The following PEPD variants were observed in gnomAD, a reference collection of about 807,000 sequenced individuals.
The protein encoded by PEPD is xaa-Pro dipeptidase.
In PEPD, 53 loss-of-function variants were observed where a neutral mutation model predicts 60.7. That is an observed-to-expected ratio of 0.87 (90% CI 0.70 to 1.10). PEPD has a LOEUF of 1.10. PEPD is among the 50% of genes least tolerant of loss of function. The probability of loss-of-function intolerance (pLI) is 0.00; values close to 1 mark genes in which losing one functional copy is unlikely to be tolerated. For synonymous variants in PEPD, 267 were observed against 284.1 expected (o/e 0.94, Z 0.60); for missense variants, 711 against 711.9 (o/e 1.00, Z 0.01).
chr19:33,410,165 G>C (rs1416330990), intron 11 of PEPD, among the ~76,000 whole-genome samples: 1 of 152,232 alleles, frequency 6.6e-6, no homozygotes, highest in East Asian at 1.9e-4. Flanking sequence ...GGTTCCACTG[G>C]CCTGCCTCCG....
intron 9 of PEPD, among the ~76,000 whole-genome samples, chr19:33,444,365 T>TAA (rs1969549701): frequency 6.6e-6 from 1 of 152,054 alleles, no homozygotes; most frequent in Admixed American, 6.5e-5. Context: ...CTCAGAGGTT[T>TAA]AAGCAGGAAA....
At chr19:33,442,934 C>T (rs1414682032) in intron 9 of PEPD, among the ~76,000 whole-genome samples, 1 of 152,158 alleles carries the variant, frequency 6.6e-6, no homozygotes, top group East Asian at 1.9e-4. Context: ...TCCACGGGGG[C>T]TGGGCCTTTC....
At chr19:33,497,870 A>G (rs1394966193) in intron 4 of PEPD, among the ~76,000 whole-genome samples, 1 of 152,112 alleles carries the variant, frequency 6.6e-6, no homozygotes, top group African/African-American at 2.4e-5. Context: ...TCGCCTCCAC[A>G]GGAGTGTCCT....
chr19:33,502,937 C>T (rs552865831), intron 3 of PEPD, among the ~76,000 whole-genome samples: 7 of 66,968 alleles, frequency 1.0e-4, no homozygotes, highest in South Asian at 4.6e-4. Flanking sequence ...AGACCCTCTA[C>T]GGATAACTGG....
At chr19:33,437,234 TTTTCC>T (rs1969394879) in intron 9 of PEPD, among the ~76,000 whole-genome samples, 1 of 152,048 alleles carries the variant, frequency 6.6e-6, no homozygotes, top group Non-Finnish European at 1.5e-5. Context: ...ACAGTCAACT[TTTTCC>T]TTTCAAGAGT....
At chr19:33,453,216 A>C (rs1969728891) in intron 9 of PEPD, among the ~76,000 whole-genome samples, 1 of 152,052 alleles carries the variant, frequency 6.6e-6, no homozygotes, top group South Asian at 2.1e-4. Flanking sequence ...CCAGAGGCTG[A>C]GGGGGGAAGG....
intron 2 of PEPD, among the ~76,000 whole-genome samples, chr19:33,511,780 A>C (rs1253168325): frequency 1.3e-5 from 2 of 152,236 alleles, no homozygotes; most frequent in African/African-American, 4.8e-5. Context: ...CATCAAGACT[A>C]GCCAGAGAAA....
intron 12 of PEPD, among the ~76,000 whole-genome samples, chr19:33,399,676 T>C (rs1265259702): frequency 6.6e-6 from 1 of 152,158 alleles, no homozygotes; most frequent in African/African-American, 2.4e-5. Context: ...CTGCAACTCA[T>C]CCCAGCAACG....
chr19:33,488,527 T>G (rs556321287), intron 6 of PEPD, among the ~76,000 whole-genome samples: 1 of 152,112 alleles, frequency 6.6e-6, no homozygotes, highest in African/African-American at 2.4e-5. Context: ...CCGTAGCCCC[T>G]CTGAGGGCCT....
rs765974570 is a variant in PEPD at position 33,391,402 on chromosome 19, C to G, written c.1045G>C (p.Gly349Arg). Reference protein sequence around the residue: ...EELAHMGILSGSVDAMVQAHL... With the variant: ...EELAHMGILSRSVDAMVQAHL... ...GCCTGGACCATGGCGTCCACGCTGC[C>G]GCTCAGGATGCCCATGTGGGCCAGC... The change falls in exon 13 of 15, where the codon GGC (glycine) becomes CGC (arginine). Residue 349 changes from glycine (G) to arginine (R), a missense_variant. Transcript: ENST00000244137. 1 of 1,585,898 alleles carries G rather than the reference C, an allele frequency of 6.3e-7. No homozygotes were observed. Among genetic ancestry groups the G allele is most frequent in the African/African-American group, 1.3e-5 (1 of 74,494 alleles).
chr19:33,494,227 C>T (rs1970554031), intron 4 of PEPD, among the ~76,000 whole-genome samples: 2 of 152,326 alleles, frequency 1.3e-5, no homozygotes, highest in South Asian at 4.1e-4. Flanking sequence ...AGAACAGTCT[C>T]ATCTCCACAG....
intron 9 of PEPD, among the ~76,000 whole-genome samples, chr19:33,434,388 C>T (rs974763277): frequency 2.0e-5 from 3 of 152,084 alleles, no homozygotes; most frequent in Non-Finnish European, 2.9e-5. Flanking sequence ...AGCTGTGTAA[C>T]GGCGATGGTT....
At chr19:33,448,742 A>G (rs904387469) in intron 9 of PEPD, among the ~76,000 whole-genome samples, 4 of 152,156 alleles carry the variant, frequency 2.6e-5, no homozygotes, top group African/African-American at 9.7e-5. Context: ...AACGAAAGCT[A>G]TGTAGCAAGC....
intron 11 of PEPD, 46 bp from the exon 12 acceptor site, chr19:33,401,915 G>GC (rs1568452334): frequency 1.3e-6 from 2 of 1,591,600 alleles, no homozygotes; most frequent in Non-Finnish European, 1.7e-6. Context: ...GGGTGCCACC[G>GC]CCCCCTTACC....
At chr19:33,445,423 G>A (rs1205213470) in intron 9 of PEPD, among the ~76,000 whole-genome samples, 1 of 152,230 alleles carries the variant, frequency 6.6e-6, no homozygotes, top group Non-Finnish European at 1.5e-5. Flanking sequence ...AGGTGATTAG[G>A]CTAAACTGAG....
chr19:33,387,335 T>C lies in PEPD; in HGVS notation c.*9A>G. On this transcript the variant is annotated 3_prime_UTR_variant, in exon 15 of 15. Coordinates refer to ENST00000244137, the MANE Select transcript of PEPD (RefSeq NM_000285.4). ...AGGCCCCCAGGTGCGCTGGGATTTC[T>C]GGCTGGCTCTACTTGGGGCCAGAGA... The C allele has an allele frequency of 6.2e-7, 1 of 1,613,800 alleles. No homozygotes were observed. The highest frequency in any genetic ancestry group is 8.5e-7 in the Non-Finnish European group (1 of 1,179,986).
At chr19:33,422,798 A>G (rs1305980047) in intron 9 of PEPD, among the ~76,000 whole-genome samples, 4 of 113,898 alleles carry the variant, frequency 3.5e-5, no homozygotes, top group African/African-American at 1.3e-4. Context: ...CCCTCTATCT[A>G]TCCATCCATC....
At chr19:33,406,933 AC>A (rs1434509226) in intron 11 of PEPD, among the ~76,000 whole-genome samples, 1 of 151,826 alleles carries the variant, frequency 6.6e-6, no homozygotes, top group African/African-American at 2.4e-5. Context: ...CTGGCCACCC[AC>A]CCCCCATGCC....
intron 12 of PEPD, among the ~76,000 whole-genome samples, chr19:33,393,669 G>A (rs1175265490): frequency 1.3e-5 from 2 of 152,216 alleles, no homozygotes; most frequent in South Asian, 2.1e-4. Flanking sequence ...TTCCTCCATC[G>A]CGCATGACCA....
Sources: allele counts gnomAD v4.1 joint callset (sites outside exome capture counted in the v4.1 genomes callset), GRCh38; gene constraint gnomAD v4.1.1; transcripts MANE v1.5; gene names NCBI Gene and HGNC (gene_info 2026-07-23, HGNC 2026-07-21).